Variants in CSMD1 observed in about 807,000 individuals in gnomAD.
CSMD1 encodes CUB and sushi domain-containing protein 1.
Under a neutral mutation model 417.5 loss-of-function variants are expected in CSMD1, and 213 were observed. The ratio of observed to expected loss-of-function variants is 0.51; its 90% CI spans 0.46 to 0.57. The LOEUF (loss-of-function observed/expected upper bound fraction) is 0.57. Among genes scored for constraint, CSMD1 ranks in the 20% least tolerant of loss-of-function variants. The probability of loss-of-function intolerance (pLI) is 0.00; values close to 1 mark genes in which losing one functional copy is unlikely to be tolerated. For synonymous variants in CSMD1, 2,862 were observed against 1,736.8 expected (o/e 1.65, Z -16.11); for missense variants, 6,923 against 4,529.7 (o/e 1.53, Z -15.17).
chr8:4,385,657 T>C (rs751786871), intron 3 of CSMD1, among the ~76,000 whole-genome samples: 1 of 152,218 alleles, frequency 6.6e-6, no homozygotes, highest in South Asian at 2.1e-4. Context: ...GGCATCATCC[T>C]GTAGGCATTA....
At chr8:3,557,279 G>T (rs1467465061) in intron 10 of CSMD1, among the ~76,000 whole-genome samples, 2 of 152,192 alleles carry the variant, frequency 1.3e-5, no homozygotes, top group Non-Finnish European at 2.9e-5. Flanking sequence ...GTGGCTTGGA[G>T]ACAGCTGTAC....
chr8:3,179,035 C>T (rs973915647), intron 37 of CSMD1, among the ~76,000 whole-genome samples: 2 of 151,144 alleles, frequency 1.3e-5, no homozygotes, highest in Non-Finnish European at 2.9e-5. Context: ...GCAAGCTCTG[C>T]CTCCCGGGTT....
At chr8:4,969,784 T>C (rs1810119518) in intron 1 of CSMD1, among the ~76,000 whole-genome samples, 1 of 152,052 alleles carries the variant, frequency 6.6e-6, no homozygotes, top group Admixed American at 6.6e-5. Flanking sequence ...GGCTGCTATG[T>C]GGAACTTTAA....
At chr8:3,800,687 G>C (rs956296585) in intron 5 of CSMD1, among the ~76,000 whole-genome samples, 1 of 152,156 alleles carries the variant, frequency 6.6e-6, no homozygotes, top group African/African-American at 2.4e-5. Context: ...TCGTGGGAGT[G>C]AGTGAGTTCT....
At chr8:3,669,963 T>C (rs186392613) in intron 7 of CSMD1, among the ~76,000 whole-genome samples, 190 of 152,338 alleles carry the variant, frequency 1.2e-3, no homozygotes, top group Non-Finnish European at 2.2e-3. Flanking sequence ...ATATAATTTA[T>C]ACCTTATTAT....
intron 26 of CSMD1, among the ~76,000 whole-genome samples, chr8:3,264,125 A>T (rs1801271592): frequency 6.6e-6 from 1 of 152,316 alleles, no homozygotes; most frequent in African/African-American, 2.4e-5. Context: ...AATATGATTA[A>T]ACTGATTCCC....
At chr8:3,515,957 A>G (rs149603709) in intron 10 of CSMD1, among the ~76,000 whole-genome samples, 1 of 152,320 alleles carries the variant, frequency 6.6e-6, no homozygotes, top group African/African-American at 2.4e-5. Context: ...GTGACGTACC[A>G]AACTGTTCGT....
intron 8 of CSMD1, among the ~76,000 whole-genome samples, chr8:3,602,666 G>C (rs1160974034): frequency 1.3e-5 from 2 of 151,200 alleles, no homozygotes; most frequent in African/African-American, 2.4e-5. Context: ...CTAATGTATG[G>C]AAGAAATAAT....
rs369326070 is a variant in CSMD1 at position 3,811,734 on chromosome 8, C to T, written c.819-57692G>A. On this transcript the variant is annotated intron_variant, in intron 5 of 69. Coordinates refer to ENST00000635120, the MANE Select transcript of CSMD1 (RefSeq NM_033225.6). Reference sequence around the variant, plus strand: ...AATTGTGAAAGCGGATTTCACAATGCGGCGGAGAAAGGGAACCTCCATGGA... The same window carrying T: ...AATTGTGAAAGCGGATTTCACAATGTGGCGGAGAAAGGGAACCTCCATGGA... Among the ~76,000 whole-genome samples the T allele has an allele frequency of 2.2e-4, 34 of 151,994 alleles. 1 individual carries two copies. The South Asian group carries it at 6.0e-3, about 27-fold the overall frequency.
At chr8:4,974,301 C>G (rs187329149) in intron 1 of CSMD1, among the ~76,000 whole-genome samples, 26 of 152,138 alleles carry the variant, frequency 1.7e-4, no homozygotes, top group Admixed American at 1.7e-3. Flanking sequence ...GCTGGGATTA[C>G]AGGCGCAAGA....
At chr8:3,853,429 T>G (rs1010884500) in intron 5 of CSMD1, among the ~76,000 whole-genome samples, 1 of 152,204 alleles carries the variant, frequency 6.6e-6, no homozygotes, top group Non-Finnish European at 1.5e-5. Flanking sequence ...ATGTATTTTC[T>G]TATTTACTCC....
At chr8:4,901,576 T>A (rs1666207110) in intron 1 of CSMD1, among the ~76,000 whole-genome samples, 1 of 151,942 alleles carries the variant, frequency 6.6e-6, no homozygotes, top group Non-Finnish European at 1.5e-5. Flanking sequence ...ATGTCAGATG[T>A]TTCTTTACGT....
chr8:3,352,051 C>A (rs1216093994), intron 21 of CSMD1, among the ~76,000 whole-genome samples: 1 of 151,878 alleles, frequency 6.6e-6, no homozygotes, highest in Non-Finnish European at 1.5e-5. Context: ...ATTTTCCATG[C>A]TGAACATGAT....
At chr8:3,805,585 G>C (rs552774704) in intron 5 of CSMD1, among the ~76,000 whole-genome samples, 4 of 152,250 alleles carry the variant, frequency 2.6e-5, no homozygotes, top group Admixed American at 1.3e-4. Flanking sequence ...AAACCTTTCT[G>C]AATCAGTTTT....
rs187356271 is a variant in CSMD1 at position 4,983,983 on chromosome 8, T to A, written c.85+10349A>T. On this transcript the variant is annotated intron_variant, in intron 1 of 69. Coordinates refer to ENST00000635120, the MANE Select transcript of CSMD1 (RefSeq NM_033225.6). ...ATAGTTAGGGTGTACCTGGCCTGGC[T>A]GAATTGGAAGTCACAAGGGCAGATT... Among the ~76,000 whole-genome samples, 5 of 152,252 alleles carry A rather than the reference T, an allele frequency of 3.3e-5. No homozygotes were observed. The East Asian group carries it at 7.7e-4, about 24-fold the overall frequency.
intron 12 of CSMD1, among the ~76,000 whole-genome samples, chr8:3,413,114 A>AGAATAAG (rs1434608943): frequency 6.6e-6 from 1 of 152,230 alleles, no homozygotes; most frequent in East Asian, 1.9e-4. Flanking sequence ...TGAGAATTAA[A>AGAATAAG]GAATAAGATT....
intron 3 of CSMD1, among the ~76,000 whole-genome samples, chr8:4,295,203 CTTAAGATT>C (rs1797597841): frequency 1.4e-5 from 1 of 72,100 alleles, no homozygotes; most frequent in Non-Finnish European, 2.9e-5. Context: ...CACATATAAT[CTTAAGATT>C]TTCTATATAA....
chr8:3,079,340 T>C (rs1813918345), intron 49 of CSMD1, among the ~76,000 whole-genome samples: 1 of 152,200 alleles, frequency 6.6e-6, no homozygotes, highest in African/African-American at 2.4e-5. Context: ...GACACAAGCA[T>C]ACTCACACAT....
intron 10 of CSMD1, among the ~76,000 whole-genome samples, chr8:3,565,487 A>G (rs1799666690): frequency 6.6e-6 from 1 of 152,204 alleles, no homozygotes; most frequent in Non-Finnish European, 1.5e-5. Flanking sequence ...AACCATATCT[A>G]TTCCAATCAC....
Sources: gnomAD v4.1 joint callset for allele counts (sites outside exome capture counted in the v4.1 genomes callset) on GRCh38, gnomAD v4.1.1 for gene constraint, MANE v1.5 for transcripts, NCBI Gene and HGNC (gene_info 2026-07-23, HGNC 2026-07-21) for gene names.